FSIP2: variants seen among roughly 807,000 people sequenced by gnomAD.
The protein encoded by FSIP2 is fibrous sheath-interacting protein 2.
A neutral mutation model predicts 510.5 loss-of-function variants in FSIP2; 367 were observed. That is an observed-to-expected ratio of 0.72 (90% CI 0.66 to 0.78). The LOEUF is 0.78. Among genes scored for constraint, FSIP2 ranks in the 30% least tolerant of loss-of-function variants. FSIP2 has a pLI of 0.00. For missense variants in FSIP2, 7,594 were observed against 7,901.7 expected, an observed-to-expected ratio of 0.96 and a Z score of 1.48; for synonymous variants, 2,601 against 2,732.2, an observed-to-expected ratio of 0.95 and a Z score of 1.50.
At position 185,792,764 on chromosome 2, in the gene FSIP2, A is replaced by T; in HGVS notation, c.5628A>T (p.Ala1876=). The T allele has an allele frequency of 6.5e-7, 1 of 1,534,316 alleles. No individual in the cohort carries two copies. The highest frequency in any genetic ancestry group is 8.7e-7 in the Non-Finnish European group (1 of 1,145,670). Residue 1876 remains alanine, a synonymous_variant, in exon 16 of 23, where the codon GCA becomes GCT. Coordinates refer to ENST00000424728, the MANE Select transcript of FSIP2 (RefSeq NM_173651.4). ...GGTATAAAACTATCACTTTTTCAGC[A>T]AATGTTTCTTCTCATGAACACACCT... ...ENRYKTITFS[A]NVSSHEHTYK... is the part of the protein sequence containing the mutation.
intron 9 of FSIP2, among the ~76,000 whole-genome samples, chr2:185,757,726 TC>T (rs985346030): frequency 2.0e-5 from 3 of 151,336 alleles, no homozygotes; most frequent in African/African-American, 7.3e-5. Flanking sequence ...GAAGTCAATT[TC>T]CTGCTCCAGC....
At chr2:185,810,887 GA>G (rs1160854670) in intron 17 of FSIP2, among the ~76,000 whole-genome samples, 1 of 152,070 alleles carries the variant, frequency 6.6e-6, no homozygotes, top group Non-Finnish European at 1.5e-5. Flanking sequence ...TGAGGTCTCA[GA>G]TGGAAATGAG....
rs927825905 is a variant in FSIP2 at position 185,739,028 on chromosome 2, G to A, written c.99+35G>A. The A allele has an allele frequency of 6.3e-5, 96 of 1,519,474 alleles. No homozygotes were observed. In the Middle Eastern group the frequency reaches 7.0e-4, roughly 11 times the overall value. 94.1% of individuals were successfully genotyped at this position (1,519,474 alleles called of 1,614,324 possible). A position where few individuals can be genotyped will look rare whatever the true frequency, so the allele number is the denominator to read the frequency against. On this transcript the variant is annotated intron_variant, in intron 1 of 22. Coordinates refer to ENST00000424728, the MANE Select transcript of FSIP2 (RefSeq NM_173651.4). The stretch of plus-strand genomic sequence containing the variant: ...CGCAAGCTGGGCGGCGTCGCCCTCT[G>A]GCGGCCGCAGGCCTGCTGGGGAGCG...
At chr2:185,798,233 A>C (rs2105631918) in intron 16 of FSIP2, among the ~76,000 whole-genome samples, 1 of 151,952 alleles carries the variant, frequency 6.6e-6, no homozygotes, top group African/African-American at 2.4e-5. Flanking sequence ...AAAGTCATTT[A>C]ATTTTTGTAT....
At chr2:185,764,005 T>A (rs965117678) in intron 12 of FSIP2, among the ~76,000 whole-genome samples, 1 of 151,672 alleles carries the variant, frequency 6.6e-6, no homozygotes, top group Admixed American at 6.6e-5. Context: ...ACATTAAATA[T>A]GCTAAGAATA....
intron 19 of FSIP2, among the ~76,000 whole-genome samples, 200 bp downstream of exon 19, chr2:185,815,671 C>T (rs1172853718): frequency 6.6e-6 from 1 of 151,956 alleles, no homozygotes; most frequent in South Asian, 2.1e-4. Flanking sequence ...AGATACCTGG[C>T]CTCTATGTCC....
Position 185,800,397 on chromosome 2 carries a change from T to C in FSIP2, c.11091T>C (p.Asn3697=). 6.5e-7 allele frequency: 1 copy of C among 1,527,004 alleles called. No homozygotes were observed. The highest frequency in any genetic ancestry group is 8.7e-7 in the Non-Finnish European group (1 of 1,143,538). The allele number at this position is 1,527,004 out of a possible 1,614,324, so 94.6% of individuals were successfully genotyped here. The stretch of plus-strand genomic sequence containing the variant: ...CAAGTGAATCCAAAGAAGTAGTCAA[T>C]AAAGTTTTTAATATTGTTTCAGATT... ...LKTSESKEVV[N]KVFNIVSDLF... The change falls in exon 17 of 23, where the codon AAT becomes AAC. Residue 3697 remains asparagine (N), a synonymous_variant. Coordinates refer to ENST00000424728, the MANE Select transcript of FSIP2 (RefSeq NM_173651.4).
intron 13 of FSIP2, among the ~76,000 whole-genome samples, chr2:185,769,103 G>A (rs748733560): frequency 9.2e-5 from 14 of 152,066 alleles, no homozygotes; most frequent in African/African-American, 3.1e-4. Context: ...ATACACATGC[G>A]TGTGTCTTTA....
intron 10 of FSIP2, 67 bp from the exon 11 acceptor site, chr2:185,761,905 A>C (rs1692359897): frequency 1.2e-6 from 1 of 809,000 alleles, no homozygotes; most frequent in African/African-American, 1.7e-5. Flanking sequence ...AATTGATAGA[A>C]GGCAGAATCT....
At chr2:185,763,150 T>C (rs764590449) in intron 11 of FSIP2, 33 bp from the exon 12 acceptor site, 1 of 906,658 alleles carries the variant, frequency 1.1e-6, no homozygotes, top group South Asian at 1.4e-5. Context: ...AATATCAGCT[T>C]CTCATATTTA....
chr2:185,805,156 C>T lies in FSIP2; in HGVS notation c.15850C>T (p.Leu5284Phe), dbSNP rs772541635. The T allele has an allele frequency of 6.8e-6, 11 of 1,609,720 alleles. No individual in the cohort carries two copies. The Admixed American group carries it at 8.4e-5, about 12-fold the overall frequency. Reference sequence around the variant, plus strand: ...ATTTTTGGAAGACATAATCATTGACCTTGTTCACAAATTTTGTTCTCTCCT... The same window carrying T: ...ATTTTTGGAAGACATAATCATTGACTTTGTTCACAAATTTTGTTCTCTCCT... Reference protein sequence around the residue: ...ATFLEDIIIDLVHKFCSLLII... With the variant: ...ATFLEDIIIDFVHKFCSLLII... Residue 5284 changes from leucine to phenylalanine, a missense_variant, in exon 17 of 23, where the codon CTT becomes TTT. By Grantham distance (22) the Leu-to-Phe change is conservative. Coordinates refer to ENST00000424728, the MANE Select transcript of FSIP2 (RefSeq NM_173651.4).
chr2:185,816,891 AAGAGAAAGAAAAGAG>A (rs1693836344), intron 19 of FSIP2, among the ~76,000 whole-genome samples: 2 of 150,676 alleles, frequency 1.3e-5, no homozygotes, highest in Non-Finnish European at 3.0e-5. Flanking sequence ...AGACGAAAGA[AAGAGAAAGAAAAGAG>A]AGAGAAAGAA....
intron 15 of FSIP2, among the ~76,000 whole-genome samples, chr2:185,787,823 C>T (rs765968401): frequency 6.6e-6 from 1 of 151,656 alleles, no homozygotes; most frequent in Non-Finnish European, 1.5e-5. Context: ...GCCCTCCCTA[C>T]TCTTTGATTC....
intron 19 of FSIP2, among the ~76,000 whole-genome samples, chr2:185,816,971 GAAAA>G (rs143436937): frequency 2.0e-5 from 2 of 101,196 alleles, no homozygotes; most frequent in African/African-American, 6.8e-5. Context: ...AAGAAGGAAA[GAAAA>G]AAAGAAAAGG....
At chr2:185,774,134 A>C (rs917828532) in intron 13 of FSIP2, among the ~76,000 whole-genome samples, 2 of 152,116 alleles carry the variant, frequency 1.3e-5, no homozygotes, top group African/African-American at 4.8e-5. Flanking sequence ...TCACACCTGC[A>C]CAGTAATCTT....
In FSIP2 at chr2:185,797,391, C is replaced by T. The variant is rs1010357492; in HGVS notation, c.10255C>T (p.Pro3419Ser). ...GCAAAAATTGAAAAAAAAGGAGTAC[C>T]CAAAGATAGAGACTGTGAAGGAAGT... is the stretch of plus-strand genomic sequence containing the variant. Reference protein sequence around the residue: ...FLQKLKKKEYPKIETVKEVEA... With the variant: ...FLQKLKKKEYSKIETVKEVEA... Residue 3419 changes from proline (P) to serine (S), a missense_variant, in exon 16 of 23, where the codon CCA becomes TCA. Coordinates refer to ENST00000424728, the MANE Select transcript of FSIP2 (RefSeq NM_173651.4). 5.9e-6 allele frequency: 9 copies of T among 1,530,688 alleles called. No homozygotes were observed. The highest frequency in any genetic ancestry group is 1.4e-5 in the African/African-American group (1 of 72,512). 94.8% of individuals were successfully genotyped at this position (1,530,688 alleles called of 1,614,324 possible).
chr2:185,791,657 T>C lies in FSIP2; in HGVS notation c.4521T>C (p.Cys1507=), dbSNP rs768884884. 12 of 1,534,000 alleles carry C rather than the reference T, an allele frequency of 7.8e-6. No individual in the cohort carries two copies. In the Admixed American group the frequency reaches 9.8e-5, roughly 13 times the overall value. Residue 1507 remains cysteine, a synonymous_variant, in exon 16 of 23, where the codon TGT becomes TGC. Coordinates refer to ENST00000424728, the MANE Select transcript of FSIP2 (RefSeq NM_173651.4). ...ACATGGATACCAGTTTTGCAAGTTGTGGATTAAAAGCTATCTCAGAGTCTC... is the reference window on the plus strand; with the variant it reads ...ACATGGATACCAGTTTTGCAAGTTGCGGATTAAAAGCTATCTCAGAGTCTC... ...GVDMDTSFAS[C]GLKAISESLD...
chr2:185,780,107 A>G (rs2105591647), intron 13 of FSIP2, among the ~76,000 whole-genome samples: 1 of 151,656 alleles, frequency 6.6e-6, no homozygotes, highest in Admixed American at 6.6e-5. Flanking sequence ...TAATTATTTT[A>G]CTTTTTATTC....
At chr2:185,772,105 C>T (rs543806190) in intron 13 of FSIP2, among the ~76,000 whole-genome samples, 1 of 152,192 alleles carries the variant, frequency 6.6e-6, no homozygotes, top group African/African-American at 2.4e-5. Flanking sequence ...TTTCTCATTT[C>T]CATCTGAAAT....
Sources: gnomAD v4.1 joint callset for allele counts (sites outside exome capture counted in the v4.1 genomes callset) on GRCh38, gnomAD v4.1.1 for gene constraint, MANE v1.5 for transcripts, NCBI Gene and HGNC (gene_info 2026-07-23, HGNC 2026-07-21) for gene names.